ITPR3: variants seen among roughly 807,000 people sequenced by gnomAD.
ITPR3 encodes the protein inositol 1,4,5-trisphosphate receptor type 3, also known as inositol 1,4,5-trisphosphate-gated calcium channel ITPR3.
In ITPR3, 173 loss-of-function variants were observed where a neutral mutation model predicts 293.2. The ratio of observed to expected loss-of-function variants is 0.59; its 90% CI spans 0.52 to 0.67. The LOEUF (loss-of-function observed/expected upper bound fraction) is 0.67, where lower values mean the gene tolerates loss of function less well. Ranked by LOEUF, ITPR3 falls within the 30% of genes least tolerant of loss-of-function variation. The pLI, the probability that ITPR3 is intolerant of heterozygous loss-of-function variation, is 0.00. For synonymous variants in ITPR3, 1,295 were observed against 1,444.4 expected (o/e 0.90, Z 2.35); for missense variants, 2,796 against 3,592.1 (o/e 0.78, Z 5.66).
intron 2 of ITPR3, among the ~76,000 whole-genome samples, chr6:33,643,097 G>C (rs566098796): frequency 1.3e-5 from 2 of 152,342 alleles, no homozygotes; most frequent in African/African-American, 4.8e-5. Flanking sequence ...AGGAGTCCTG[G>C]CTTTCACTGT....
chr6:33,622,114 T>C (rs1382573365), intron 1 of ITPR3, among the ~76,000 whole-genome samples: 11 of 152,054 alleles, frequency 7.2e-5, no homozygotes, highest in Admixed American at 7.2e-4. Flanking sequence ...GAGCCCGTAA[T>C]CCTCTATTAC....
chr6:33,668,628 G>C lies in ITPR3; in HGVS notation c.2000G>C (p.Arg667Pro). 1.9e-6 allele frequency: 3 copies of C among 1,614,172 alleles called. No homozygotes were observed. The highest frequency in any genetic ancestry group is 2.5e-6 in the Non-Finnish European group (3 of 1,180,034). The change falls in exon 17 of 58, where the codon CGG becomes CCG. Residue 667 changes from arginine (R) to proline (P), a missense_variant. Physicochemically the swap from Arg to Pro is moderately radical, Grantham distance 103 (BLOSUM62 -2). Coordinates refer to ENST00000605930, the MANE Select transcript of ITPR3 (RefSeq NM_002224.4). ...CCCAAGAACAGTGACATTCTCATCC[G>C]GACCGAGTGAGCCCTGTGCCCCCTG... ...LDPKNSDILI[R>P]TELRPVKEMA...
At chr6:33,651,997 G>A (rs1764202262) in intron 2 of ITPR3, among the ~76,000 whole-genome samples, 1 of 152,090 alleles carries the variant, frequency 6.6e-6, no homozygotes, top group Non-Finnish European at 1.5e-5. Context: ...GGGTTCGAAG[G>A]GGCTGGTGGG....
At chr6:33,645,070 C>T (rs748848246) in intron 2 of ITPR3, among the ~76,000 whole-genome samples, 10 of 151,360 alleles carry the variant, frequency 6.6e-5, no homozygotes, top group African/African-American at 1.7e-4. Flanking sequence ...TAGTGGCTCA[C>T]GCCTATAATC....
rs777439531 is a variant in ITPR3 at position 33,683,300 on chromosome 6, G to T, written c.4691G>T (p.Arg1564Leu). Residue 1564 changes from arginine (R) to leucine (L), a missense_variant, in exon 35 of 58, where the codon CGG becomes CTG. Transcript: ENST00000605930. The surrounding 1 kb of genome is among the most constrained non-coding windows in gnomAD (Gnocchi z 4.5). ...GCCAGCTGTGCAGCTGCCGCCCAGC[G>T]GAACGCCTCCAGCTACAAGGCAACC... ...SGASCAAAAQ[R>L]NASSYKATTR... The T allele has an allele frequency of 6.3e-7, 1 of 1,583,282 alleles. No individual in the cohort carries two copies. The highest frequency in any genetic ancestry group is 8.6e-7 in the Non-Finnish European group (1 of 1,165,262).
intron 1 of ITPR3, among the ~76,000 whole-genome samples, chr6:33,635,231 C>G (rs969945013): frequency 3.9e-5 from 6 of 152,202 alleles, no homozygotes; most frequent in Non-Finnish European, 8.8e-5. Context: ...TGACCTCTCC[C>G]TTCCCTGAAT....
Position 33,623,303 on chromosome 6 carries a change from A to AT in ITPR3, c.89+1616dup, listed in dbSNP as rs1175704461. ...CTGGCTTGGGGCTGAACACATGATGATTTTCAAGTGCCTGTGAGTTTTGTT... is the reference window on the plus strand; with the variant it reads ...CTGGCTTGGGGCTGAACACATGATGATTTTTCAAGTGCCTGTGAGTTTTGTT... On this transcript the variant is annotated intron_variant, in intron 1 of 57. Coordinates refer to ENST00000605930, the MANE Select transcript of ITPR3 (RefSeq NM_002224.4). Among the ~76,000 whole-genome samples, 21 of 122,384 alleles carry AT rather than the reference A, an allele frequency of 1.7e-4. No homozygotes were observed. The Admixed American group carries it at 1.8e-3, about 10-fold the overall frequency. 80.3% of individuals were successfully genotyped at this position (122,384 alleles called of 152,430 possible). A position where few individuals can be genotyped will look rare whatever the true frequency, so the allele number is the denominator to read the frequency against.
rs1414706824 is a variant in ITPR3 at position 33,692,756 on chromosome 6, A to G, written c.7487A>G (p.Tyr2496Cys). ...TCTCTCTTCCCAGCCCGAGTGGTCT[A>G]TGACCTCCTGTTCTTCTTCATCGTC... The part of the protein sequence containing the change: ...DESLFPARVV[Y>C]DLLFFFIVII... Residue 2496 changes from tyrosine (Y) to cysteine (C), a missense_variant, in exon 55 of 58, where the codon TAT becomes TGT. Transcript: ENST00000605930. This position sits in a 1 kb window ranked among gnomAD's most constrained non-coding sequence, Gnocchi z 4.2. 3.7e-6 allele frequency: 6 copies of G among 1,613,994 alleles called. No individual in the cohort carries two copies. Among genetic ancestry groups the G allele is most frequent in the East Asian group, 2.2e-5 (1 of 44,878 alleles).
intron 30 of ITPR3, 26 bp downstream of exon 30, chr6:33,678,865 A>T: frequency 6.3e-7 from 1 of 1,579,060 alleles, no homozygotes; most frequent in Non-Finnish European, 8.6e-7. Flanking sequence ...AGGGGTGCTC[A>T]GGCATCTTGG....
intron 2 of ITPR3, among the ~76,000 whole-genome samples, chr6:33,649,818 C>A (rs1349113800): frequency 6.6e-6 from 1 of 152,150 alleles, no homozygotes; most frequent in African/African-American, 2.4e-5. Flanking sequence ...TCCTAGACCT[C>A]ACCCGAGACC....
At position 33,689,333 on chromosome 6, in the gene ITPR3, CT is replaced by C. The variant is rs1765327865; in HGVS notation, c.6791del (p.Leu2264ProfsTer27). ...CACCAAGCGCTACAGCATCCGCCCC[CT>C]CATCGTGGCGCTCATCCTGCGCTCC... ...LFTKRYSIRPLIVALILRSIY... is the reference protein window; with the variant it reads ...LFTKRYSIRPXIVALILRSIY... On this transcript the variant is annotated frameshift_variant, in exon 50 of 58. Coordinates refer to ENST00000605930, the MANE Select transcript of ITPR3 (RefSeq NM_002224.4). LOFTEE classifies it high-confidence loss of function. 2.5e-6 allele frequency: 4 copies of C among 1,612,688 alleles called. No individual in the cohort carries two copies. The highest frequency in any genetic ancestry group is 3.4e-6 in the Non-Finnish European group (4 of 1,180,032).
rs1341253697 is a variant in ITPR3 at position 33,658,046 on chromosome 6, T to A, written c.369+28T>A. 6.3e-7 allele frequency: 1 copy of A among 1,591,374 alleles called. No homozygotes were observed. The highest frequency in any genetic ancestry group is 8.6e-7 in the Non-Finnish European group (1 of 1,161,844). ...GAGGCTGGCCTGCCTCTCTCCCGCC[T>A]GCCCCTCTCCCTGCCTAAGAGGCTG... On this transcript the variant is annotated intron_variant, in intron 4 of 57. Transcript: ENST00000605930. This position sits in a 1 kb window ranked among gnomAD's most constrained non-coding sequence, Gnocchi z 6.1.
At chr6:33,686,897 C>T in intron 43 of ITPR3, 112 bp from the exon 44 acceptor site, 1 of 846,572 alleles carries the variant, frequency 1.2e-6, no homozygotes, top group Non-Finnish European at 2.0e-6. Context: ...AAGGTCATGG[C>T]ACCTGACCTT....
chr6:33,667,841 A>G lies in ITPR3; in HGVS notation c.1763A>G (p.Asp588Gly). 6.2e-7 allele frequency: 1 copy of G among 1,614,092 alleles called. No individual in the cohort carries two copies. Among genetic ancestry groups the G allele is most frequent in the East Asian group, 2.2e-5 (1 of 44,870 alleles). ...ATGATGCAGTCCCAGATTGGCTACG[A>G]CATCCTGGCCGAGGACACCATCACT... ...FGMMQSQIGY[D>G]ILAEDTITAL... is the part of the protein sequence containing the mutation. Residue 588 changes from aspartate to glycine, a missense_variant, in exon 16 of 58, where the codon GAC (aspartate) becomes GGC (glycine). By Grantham distance (94) the Asp-to-Gly change is moderately conservative. This residue lies in a region of ITPR3 where 955 missense variants were observed against 1,180.8 expected (regional missense o/e 0.81). Transcript: ENST00000605930. This position sits in a 1 kb window ranked among gnomAD's most constrained non-coding sequence, Gnocchi z 4.4.
chr6:33,685,597 G>A (rs781314922), intron 40 of ITPR3, 46 bp from the exon 41 acceptor site: 1 of 1,589,366 alleles, frequency 6.3e-7, no homozygotes, highest in Non-Finnish European at 8.6e-7. Context: ...GCAGGGGGGT[G>A]GCCAAGGGGG....
Position 33,692,683 on chromosome 6 carries a change from A to C in ITPR3, c.7459-45A>C, listed in dbSNP as rs1229614782. 1 of 1,596,338 alleles carries C rather than the reference A, an allele frequency of 6.3e-7. No homozygotes were observed. The highest frequency in any genetic ancestry group is 8.6e-7 in the Non-Finnish European group (1 of 1,166,942). On this transcript the variant is annotated intron_variant, in intron 54 of 57. Transcript: ENST00000605930. The surrounding 1 kb of genome is among the most constrained non-coding windows in gnomAD (Gnocchi z 4.2). ...CCTGAGTCCTATCTTGCCCCAGTGAATGTGGGGACCACCGGGCCCAGCCTC... is the reference window on the plus strand; with the variant it reads ...CCTGAGTCCTATCTTGCCCCAGTGACTGTGGGGACCACCGGGCCCAGCCTC...
At chr6:33,653,962 C>G (rs541356027) in intron 2 of ITPR3, among the ~76,000 whole-genome samples, 1 of 152,222 alleles carries the variant, frequency 6.6e-6, no homozygotes, top group African/African-American at 2.4e-5. Flanking sequence ...GAGGGCCGAG[C>G]CGAACCCATA....
At chr6:33,643,739 T>C (rs966942138) in intron 2 of ITPR3, among the ~76,000 whole-genome samples, 1 of 152,136 alleles carries the variant, frequency 6.6e-6, no homozygotes, top group Non-Finnish European at 1.5e-5. Context: ...GACATGTGTG[T>C]GGGGGCAGGT....
At position 33,686,989 on chromosome 6, in the gene ITPR3, C is replaced by T; in HGVS notation, c.5980-20C>T. On this transcript the variant is annotated intron_variant, in intron 43 of 57. Coordinates refer to ENST00000605930, the MANE Select transcript of ITPR3 (RefSeq NM_002224.4). ...GGTGTCCTGAGACTGTGGCCTGCCT[C>T]CCTCTGCCCCTCCACCCAGGACAAT... The T allele has an allele frequency of 6.2e-7, 1 of 1,601,166 alleles. No individual in the cohort carries two copies. The highest frequency in any genetic ancestry group is 8.6e-7 in the Non-Finnish European group (1 of 1,169,068).
Sources: allele counts gnomAD v4.1 joint callset (sites outside exome capture counted in the v4.1 genomes callset), GRCh38; gene constraint gnomAD v4.1.1; regional missense constraint gnomAD v4.1.1; non-coding constraint Gnocchi (gnomAD v3.1); transcripts MANE v1.5; gene names NCBI Gene and HGNC (gene_info 2026-07-23, HGNC 2026-07-21).